The following COG8 variants were observed in gnomAD, a reference collection of about 807,000 sequenced individuals.
COG8 encodes component of oligomeric golgi complex 8.
COG8 carries 45 observed loss-of-function variants against 46.5 expected under a neutral mutation model. The ratio of observed to expected loss-of-function variants is 0.97; its 90% confidence interval spans 0.76 to 1.24. COG8 has a LOEUF of 1.24. Among genes scored for constraint, COG8 ranks in the 50% most tolerant of loss-of-function variants. The probability of loss-of-function intolerance (pLI) is 0.00; values close to 1 mark genes in which losing one functional copy is unlikely to be tolerated. For synonymous variants in COG8, 407 were observed against 347.8 expected (o/e 1.17, Z -1.90); for missense variants, 793 against 820.8 (o/e 0.97, Z 0.41).
In COG8 at chr16:69,327,685, ACTC is replaced by A. The variant is rs1213756116; in HGVS notation, c.*1518_*1520del. On this transcript the variant is annotated 3_prime_UTR_variant, in exon 6 of 6. Coordinates refer to ENST00000306875, the MANE Select transcript of COG8 (RefSeq NM_032382.5). ...TCAGCAAGAATACCTACTTTACAAA[ACTC>A]AGCATAAAAATGAGGTGAAACAGTT... 1 of 152,040 alleles carries A rather than the reference ACTC, an allele frequency of 6.6e-6. No individual in the cohort carries two copies. The highest frequency in any genetic ancestry group is 1.9e-4 in the East Asian group (1 of 5,188). 9.4% of individuals were successfully genotyped at this position (152,040 alleles called of 1,614,324 possible).
rs763882641 is a variant in COG8, at chr16:69,335,233, C to G, written c.701G>C (p.Arg234Pro). ...CTCAGCCTCAGTGAAGACGTCCATGCGCCGCAGGTAGCCAATGACACGGAG... is the reference window on the plus strand; with the variant it reads ...CTCAGCCTCAGTGAAGACGTCCATGGGCCGCAGGTAGCCAATGACACGGAG... ...ACLRVIGYLRRMDVFTEAELR... is the reference protein window; with the variant it reads ...ACLRVIGYLRPMDVFTEAELR... Residue 234 changes from arginine (R) to proline (P), a missense_variant, in exon 3 of 6, where the codon CGC (arginine) becomes CCC (proline). Arg to Pro is a moderately radical substitution (Grantham distance 103). Coordinates refer to ENST00000306875, the MANE Select transcript of COG8 (RefSeq NM_032382.5). 1.2e-6 allele frequency: 2 copies of G among 1,613,842 alleles called. No individual in the cohort carries two copies. The highest frequency in any genetic ancestry group is 1.7e-6 in the Non-Finnish European group (2 of 1,179,974).
chr16:69,338,562 A>G (rs2012334668), intron 1 of COG8: 1 of 152,976 alleles, frequency 6.5e-6, no homozygotes, highest in South Asian at 2.0e-4. Context: ...CTTTGCATGA[A>G]TCCTTTTTCT....
At chr16:69,336,084 T>A (rs1012433133) in intron 2 of COG8, among the ~76,000 whole-genome samples, 23 of 152,194 alleles carry the variant, frequency 1.5e-4, no homozygotes, top group Non-Finnish European at 2.9e-4. Flanking sequence ...CTTTGTGGGC[T>A]GGCACCTCCT....
chr16:69,333,522 G>A (rs2012018121), intron 3 of COG8, among the ~76,000 whole-genome samples: 1 of 152,160 alleles, frequency 6.6e-6, no homozygotes, highest in Non-Finnish European at 1.5e-5. Context: ...GCTGGATCCA[G>A]GAAAATGAAG....
chr16:69,327,705 G>T lies in COG8; in HGVS notation c.*1501C>A, dbSNP rs962792707. ...ACAAAACTCAGCATAAAAATGAGGT[G>T]AAACAGTTTAACTAAAACTGGAGTT... On this transcript the variant is annotated 3_prime_UTR_variant, in exon 6 of 6. Coordinates refer to ENST00000306875, the MANE Select transcript of COG8 (RefSeq NM_032382.5). 6.6e-6 allele frequency: 1 copy of T among 152,010 alleles called. No individual in the cohort carries two copies. Among genetic ancestry groups the T allele is most frequent in the South Asian group, 2.1e-4 (1 of 4,822 alleles). The allele number at this position is 152,010 out of a possible 1,614,324, so 9.4% of individuals were successfully genotyped here.
At chr16:69,331,675 G>T (rs564632644) in intron 4 of COG8, among the ~76,000 whole-genome samples, 41 of 151,902 alleles carry the variant, frequency 2.7e-4, no homozygotes, top group Middle Eastern at 3.4e-3. Context: ...GCTAATTTTT[G>T]TATTTTTAGT....
chr16:69,330,825 G>A lies in COG8; in HGVS notation c.*14C>T, dbSNP rs1003785897. On this transcript the variant is annotated 3_prime_UTR_variant, in exon 5 of 6. Transcript: ENST00000306875. ...GAACCTCACGCACCGCGTTCTGGAG[G>A]CAGGGGACGCCGGCTAGGGCCCCAC... 1.5e-5 allele frequency: 23 copies of A among 1,532,184 alleles called. No individual in the cohort carries two copies. The highest frequency in any genetic ancestry group is 1.8e-5 in the Non-Finnish European group (21 of 1,143,800). The allele number at this position is 1,532,184 out of a possible 1,614,324, so 94.9% of individuals were successfully genotyped here.
Position 69,334,406 on chromosome 16 carries a change from A to T in COG8, c.1413+115T>A. The T allele has an allele frequency of 4.2e-6, 4 of 960,398 alleles. No individual in the cohort carries two copies. In the South Asian group the frequency reaches 4.2e-5, roughly 10 times the overall value. The allele number at this position is 960,398 out of a possible 1,614,324, so 59.5% of individuals were successfully genotyped here. On this transcript the variant is annotated intron_variant, in intron 3 of 5. Transcript: ENST00000306875. ...CAATCAGGAGAACCTCCAAAACCAC[A>T]CTAGACCTCTCCATGTCAGCAGACA...
intron 3 of COG8, 118 bp from the exon 4 acceptor site, chr16:69,333,000 CAG>C (rs2011979962): frequency 1.1e-6 from 1 of 897,918 alleles, no homozygotes; most frequent in Admixed American, 1.9e-5. Flanking sequence ...AGTAATTTAA[CAG>C]TACATTATTT....
At chr16:69,333,171 T>G (rs1002227217) in intron 3 of COG8, among the ~76,000 whole-genome samples, 18 of 150,848 alleles carry the variant, frequency 1.2e-4, no homozygotes, top group African/African-American at 3.4e-4. Context: ...TTTTGGTTTT[T>G]TTTTTTTTTT....
intron 2 of COG8, among the ~76,000 whole-genome samples, chr16:69,336,123 C>G (rs2012193171): frequency 6.6e-6 from 1 of 152,132 alleles, no homozygotes; most frequent in Non-Finnish European, 1.5e-5. Context: ...TTAAATGTTA[C>G]CTCCCTAGAA....
chr16:69,328,550 T>C lies in COG8; in HGVS notation c.*656A>G, dbSNP rs1299385643. On this transcript the variant is annotated 3_prime_UTR_variant, in exon 6 of 6. Transcript: ENST00000306875. ...ACATCCTTGAACAGGGACTATTCTC[T>C]TTCATTTCCATAAGCAAACTGGCGT... 3.4e-5 allele frequency: 6 copies of C among 175,726 alleles called. No homozygotes were observed. The highest frequency in any genetic ancestry group is 7.2e-5 in the Non-Finnish European group (6 of 83,740). The allele number at this position is 175,726 out of a possible 1,614,324, so 10.9% of individuals were successfully genotyped here. A position where few individuals can be genotyped will look rare whatever the true frequency, so the allele number is the denominator to read the frequency against.
chr16:69,330,902 G>T lies in COG8; in HGVS notation c.1776C>A (p.Gly592=). The change falls in exon 5 of 6, where the codon GGC becomes GGA. Residue 592 remains glycine (G), a synonymous_variant. Transcript: ENST00000306875. ...CTCGCCCTCCCTCCGGGCAGGCTGG[G>T]CCCGCGGGCTCCAGGCGTGGCTCCT... ...PAEEPRLEPA[G]PACPEGGRAE... 1.3e-6 allele frequency: 2 copies of T among 1,552,308 alleles called. No homozygotes were observed. Among genetic ancestry groups the T allele is most frequent in the Non-Finnish European group, 1.7e-6 (2 of 1,148,024 alleles).
rs145521800 is a variant in COG8 at position 69,327,829 on chromosome 16, T to G, written c.*1377A>C. ...GAATTTGAGGCCAGCCTGGGCAACA[T>G]AGTAAGACCCCCGTCTCTATCTTAA... is the stretch of plus-strand genomic sequence containing the variant. On this transcript the variant is annotated 3_prime_UTR_variant, in exon 6 of 6. Transcript: ENST00000306875. 6.6e-6 allele frequency: 1 copy of G among 150,762 alleles called. No individual in the cohort carries two copies. Among genetic ancestry groups the G allele is most frequent in the Non-Finnish European group, 1.5e-5 (1 of 67,906 alleles). 9.3% of individuals were successfully genotyped at this position (150,762 alleles called of 1,614,324 possible).
chr16:69,332,915 C>A, intron 3 of COG8, 33 bp from the exon 4 acceptor site: 2 of 1,611,768 alleles, frequency 1.2e-6, no homozygotes, highest in Non-Finnish European at 1.7e-6. Flanking sequence ...ATTACTGGGA[C>A]AGCCTATCAC....
chr16:69,339,141 G>A (rs773869489), intron 1 of COG8, 35 bp downstream of exon 1: 2 of 1,612,784 alleles, frequency 1.2e-6, no homozygotes, highest in East Asian at 2.2e-5. Flanking sequence ...AGCTTTTACA[G>A]TTATAAAACC....
chr16:69,335,469 C>T (rs1274559821), intron 2 of COG8, 121 bp from the exon 3 acceptor site: 6 of 864,220 alleles, frequency 6.9e-6, no homozygotes, highest in Middle Eastern at 4.3e-4. Context: ...GAAGTAATTT[C>T]CTAAAGCTGA....
At chr16:69,333,166 GTTTTTT>G (rs554776759) in intron 3 of COG8, among the ~76,000 whole-genome samples, 2 of 130,870 alleles carry the variant, frequency 1.5e-5, no homozygotes, top group Non-Finnish European at 3.3e-5. Context: ...CATGGTTTTG[GTTTTTT>G]TTTTTTTTTT....
chr16:69,326,571 T>A lies in COG8; in HGVS notation c.*2635A>T, dbSNP rs1965599807. ...ATGGCTATGGTCCATCCCTGTGCTCTAGTTAGAGCGTGAAGACACCTGACT... is the reference window on the plus strand; with the variant it reads ...ATGGCTATGGTCCATCCCTGTGCTCAAGTTAGAGCGTGAAGACACCTGACT... On this transcript the variant is annotated 3_prime_UTR_variant, in exon 6 of 6. Coordinates refer to ENST00000306875, the MANE Select transcript of COG8 (RefSeq NM_032382.5). 1 of 152,268 alleles carries A rather than the reference T, an allele frequency of 6.6e-6. No individual in the cohort carries two copies. Among genetic ancestry groups the A allele is most frequent in the African/African-American group, 2.4e-5 (1 of 41,464 alleles). 9.4% of individuals were successfully genotyped at this position (152,268 alleles called of 1,614,324 possible).
Sources: gnomAD v4.1 joint callset for allele counts (sites outside exome capture counted in the v4.1 genomes callset) on GRCh38, gnomAD v4.1.1 for gene constraint, MANE v1.5 for transcripts, NCBI Gene and HGNC (gene_info 2026-07-23, HGNC 2026-07-21) for gene names.